The following ESRRB variants were observed in gnomAD, a reference collection of about 807,000 sequenced individuals.
The protein encoded by ESRRB is steroid hormone receptor ERR2.
A neutral mutation model predicts 46.0 loss-of-function variants in ESRRB; 16 were observed. That is an observed-to-expected ratio of 0.35 (90% CI 0.24 to 0.53). The LOEUF (loss-of-function observed/expected upper bound fraction) is 0.53, where lower values mean the gene tolerates loss of function less well. ESRRB is among the 20% of genes least tolerant of loss of function. The probability of loss-of-function intolerance (pLI) is 0.93; values close to 1 mark genes in which losing one functional copy is unlikely to be tolerated. For missense variants in ESRRB, 488 were observed against 607.4 expected (o/e 0.80, Z 2.07); for synonymous variants, 246 against 259.6 (o/e 0.95, Z 0.50).
At chr14:76,453,878 C>G (rs1479662995) in intron 2 of ESRRB, among the ~76,000 whole-genome samples, 1 of 152,106 alleles carries the variant, frequency 6.6e-6, no homozygotes, top group Non-Finnish European at 1.5e-5. Context: ...TCCCAAAGTG[C>G]CTGGATTACA....
chr14:76,435,400 A>C (rs1172976921), intron 1 of ESRRB, among the ~76,000 whole-genome samples: 1 of 152,212 alleles, frequency 6.6e-6, no homozygotes, highest in African/African-American at 2.4e-5. Flanking sequence ...GTTCCTATGA[A>C]AGTATGAGCG....
intron 1 of ESRRB, among the ~76,000 whole-genome samples, chr14:76,412,832 G>A (rs1475899174): frequency 6.6e-6 from 1 of 152,198 alleles, no homozygotes; most frequent in Admixed American, 6.5e-5. Context: ...TGAAGCAGAA[G>A]GCCCGAGTTG....
chr14:76,338,600 G>T (rs907680879), intron 1 of ESRRB, among the ~76,000 whole-genome samples: 1 of 152,214 alleles, frequency 6.6e-6, no homozygotes, highest in Non-Finnish European at 1.5e-5. Flanking sequence ...GAAGAGAGGG[G>T]TATAGCTTAT....
chr14:76,319,463 G>A (rs1045296820), intron 1 of ESRRB, among the ~76,000 whole-genome samples: 1 of 152,102 alleles, frequency 6.6e-6, no homozygotes, highest in Admixed American at 6.6e-5. Context: ...CATTAGGAAG[G>A]AGTATTGTGG....
intron 1 of ESRRB, among the ~76,000 whole-genome samples, chr14:76,384,555 TG>T (rs577499060): frequency 2.5e-3 from 388 of 152,286 alleles, no homozygotes; most frequent in African/African-American, 9.0e-3. Flanking sequence ...CTGGCCCCCC[TG>T]AGAAAAGCTG....
chr14:76,402,497 C>T (rs1034459296), intron 1 of ESRRB, among the ~76,000 whole-genome samples: 2 of 152,140 alleles, frequency 1.3e-5, no homozygotes, highest in African/African-American at 4.8e-5. Flanking sequence ...CCTGTTGAAT[C>T]CCATGACTCT....
intron 1 of ESRRB, among the ~76,000 whole-genome samples, chr14:76,317,639 C>T (rs989924109): frequency 2.0e-5 from 3 of 152,014 alleles, no homozygotes; most frequent in African/African-American, 4.8e-5. Flanking sequence ...TGTTGGAGAC[C>T]GCTTCCGCCC....
chr14:76,496,295 A>G (rs1038003625), intron 6 of ESRRB, among the ~76,000 whole-genome samples: 1 of 142,712 alleles, frequency 7.0e-6, no homozygotes, highest in African/African-American at 2.6e-5. Flanking sequence ...GATTCCTGAC[A>G]TGAGAGAGGA....
chr14:76,445,481 AAAAAG>A (rs1173030733), intron 2 of ESRRB, among the ~76,000 whole-genome samples: 44 of 124,070 alleles, frequency 3.5e-4, no homozygotes, highest in African/African-American at 1.6e-3. Flanking sequence ...AAAAAAAAAA[AAAAAG>A]AAAGAAAGAA....
At chr14:76,352,963 G>A (rs1595052534) in intron 1 of ESRRB, among the ~76,000 whole-genome samples, 1 of 152,306 alleles carries the variant, frequency 6.6e-6, no homozygotes, top group East Asian at 1.9e-4. Context: ...GGTGGCACAC[G>A]GCCCCGAATC....
In ESRRB at chr14:76,352,328, A is replaced by G. The variant is rs1393811899; in HGVS notation, c.2+41412A>G. 2.0e-5 allele frequency among the ~76,000 whole-genome samples: 3 copies of G among 152,344 alleles called. No homozygotes were observed. In the East Asian group the frequency reaches 5.8e-4, roughly 29 times the overall value. ...GTGTTCAGTACATGTTAATTAAATC[A>G]GAACCTGTTGGCGGCCACTGAGCAG... On this transcript the variant is annotated intron_variant, in intron 1 of 6. Coordinates refer to the ESRRB transcript ENST00000512784.
rs1555389321 is a variant in ESRRB at position 76,332,729 on chromosome 14, T to TA, written c.2+21813_2+21814insA. ...ATATATATTTATATATTATATATAT[T>TA]TATATATTATATATTTATATATTAT... On this transcript the variant is annotated intron_variant, in intron 1 of 6. Transcript: ENST00000512784. Among the ~76,000 whole-genome samples, 26 of 13,862 alleles carry TA rather than the reference T, an allele frequency of 1.9e-3. 1 individual carries two copies. The highest frequency in any genetic ancestry group is 2.5e-3 in the Non-Finnish European group (22 of 8,858). 9.1% of individuals were successfully genotyped at this position (13,862 alleles called of 152,430 possible). A position where few individuals can be genotyped will look rare whatever the true frequency, so the allele number is the denominator to read the frequency against.
chr14:76,414,223 A>C (rs901841462), intron 1 of ESRRB, among the ~76,000 whole-genome samples: 1 of 91,158 alleles, frequency 1.1e-5, no homozygotes, highest in African/African-American at 4.8e-5. Context: ...TGCATACTGC[A>C]TGCCCTGAAG....
rs1884061154 is a variant in ESRRB at position 76,333,052 on chromosome 14, ATATAT to A, written c.2+22142_2+22146del. On this transcript the variant is annotated intron_variant, in intron 1 of 6. Coordinates refer to the ESRRB transcript ENST00000512784. ...TTATATATATTATATATTATATATT[ATATAT>A]TATATATTATATATTATATATATTA... Among the ~76,000 whole-genome samples, 14 of 7,452 alleles carry A rather than the reference ATATAT, an allele frequency of 1.9e-3. 1 individual carries two copies. The highest frequency in any genetic ancestry group is 4.1e-3 in the Admixed American group (1 of 244). 4.9% of individuals were successfully genotyped at this position (7,452 alleles called of 152,430 possible).
In ESRRB at chr14:76,500,056, C is replaced by A. The variant is rs574615634; in HGVS notation, c.*1598C>A. On this transcript the variant is annotated 3_prime_UTR_variant, in exon 7 of 7. Transcript: ENST00000644823. ...CAGATCTCACCCAGCACTAGGACAC[C>A]AGGAGGCCAGGTAACTTTCTGCAGC... 10 of 1,551,176 alleles carry A rather than the reference C, an allele frequency of 6.4e-6. No individual in the cohort carries two copies. In the African/African-American group the frequency reaches 1.1e-4, roughly 17 times the overall value.
chr14:76,465,791 G>A (rs114519705), intron 3 of ESRRB, among the ~76,000 whole-genome samples: 3,023 of 152,302 alleles, frequency 0.02, 96 homozygotes, highest in African/African-American at 0.069. Flanking sequence ...CCCACTCCCC[G>A]CCAGTGCTGG....
chr14:76,409,465 G>C (rs927190827), intron 1 of ESRRB, among the ~76,000 whole-genome samples: 12 of 152,050 alleles, frequency 7.9e-5, no homozygotes, highest in Non-Finnish European at 1.5e-4. Flanking sequence ...CCGTGGCGAC[G>C]GTCTTCCTCC....
rs377747908 is a variant in ESRRB at position 76,403,917 on chromosome 14, C to T, written c.50+27466C>T. ...TAGTTTTAGTAGAGATGGGGTTTCA[C>T]CACGTTGGCCAGGCTGGTCCCGAAC... is the stretch of plus-strand genomic sequence containing the variant. On this transcript the variant is annotated intron_variant, in intron 1 of 6. Coordinates refer to ENST00000644823, the MANE Select transcript of ESRRB (RefSeq NM_001379180.1). Among the ~76,000 whole-genome samples the T allele has an allele frequency of 5.9e-4, 90 of 152,160 alleles. 1 individual carries two copies. The East Asian group carries it at 8.7e-3, about 15-fold the overall frequency.
chr14:76,439,259 A>G, intron 1 of ESRRB, 82 bp from the exon 2 acceptor site: 1 of 1,519,566 alleles, frequency 6.6e-7, no homozygotes, highest in Non-Finnish European at 9.1e-7. Flanking sequence ...AGCCCTTCCC[A>G]GCCACCCTAC....
Sources: gnomAD v4.1 joint callset for allele counts (sites outside exome capture counted in the v4.1 genomes callset) on GRCh38, gnomAD v4.1.1 for gene constraint, MANE v1.5 for transcripts, NCBI Gene and HGNC (gene_info 2026-07-23, HGNC 2026-07-21) for gene names.